Variants in CYP26B1 observed in about 807,000 individuals in gnomAD.
CYP26B1 encodes cytochrome P450 family 26 subfamily B member 1.
CYP26B1 carries 8 observed loss-of-function variants against 39.1 expected under a neutral mutation model. The ratio of observed to expected loss-of-function variants is 0.20; its 90% CI spans 0.12 to 0.37. The LOEUF (loss-of-function observed/expected upper bound fraction) is 0.37. Among genes scored for constraint, CYP26B1 ranks in the 10% least tolerant of loss-of-function variants. The pLI is 1.00. For synonymous variants in CYP26B1, 321 were observed against 314.3 expected, an observed-to-expected ratio of 1.02 and a Z score of -0.23; for missense variants, 615 against 707.0, an observed-to-expected ratio of 0.87 and a Z score of 1.48.
chr2:72,138,149 A>G (rs561212642), intron 2 of CYP26B1, among the ~76,000 whole-genome samples: 1 of 152,128 alleles, frequency 6.6e-6, no homozygotes, highest in South Asian at 2.1e-4. Flanking sequence ...GGCTGGGCTC[A>G]GAGGTCACCA....
intron 2 of CYP26B1, among the ~76,000 whole-genome samples, chr2:72,139,067 T>C (rs1337805502): frequency 2.0e-5 from 3 of 152,146 alleles, no homozygotes; most frequent in Non-Finnish European, 2.9e-5. Flanking sequence ...CTCCCCCTTC[T>C]CTGCTGGCAG....
chr2:72,136,084 CT>C (rs905639116), intron 2 of CYP26B1, among the ~76,000 whole-genome samples: 12 of 150,306 alleles, frequency 8.0e-5, no homozygotes, highest in Non-Finnish European at 4.5e-5. Context: ...CGCAGCCCCC[CT>C]TGCCACCCTC....
Position 72,132,639 on chromosome 2 carries a change from G to C in CYP26B1, c.1147-20C>G. On this transcript the variant is annotated intron_variant, in intron 5 of 5. Transcript: ENST00000001146. ...GAAACCCTGGAGCAAGATGGGGGCC[G>C]AGGAGTGGGTGGTGAGAGCCAGAGG... The C allele has an allele frequency of 1.3e-6, 2 of 1,582,016 alleles. No homozygotes were observed. Among genetic ancestry groups the C allele is most frequent in the Non-Finnish European group, 1.7e-6 (2 of 1,164,208 alleles).
intron 1 of CYP26B1, among the ~76,000 whole-genome samples, chr2:72,146,283 C>T (rs529786646): frequency 1.3e-3 from 196 of 150,296 alleles, no homozygotes; most frequent in Non-Finnish European, 2.5e-3. Flanking sequence ...AAATTCGCGG[C>T]CCAAAGCCTA....
Position 72,135,231 on chromosome 2 carries a change from G to A in CYP26B1, c.618C>T (p.Asp206=). Residue 206 remains aspartate (D), a synonymous_variant, in exon 3 of 6, where the codon GAC becomes GAT. Coordinates refer to ENST00000001146, the MANE Select transcript of CYP26B1 (RefSeq NM_019885.4). The part of the protein sequence containing the change: ...VLLGFSIPEE[D]LGHLFEVYQQ... ...GGTAGACCTCAAAGAGGTGCCCAAGGTCCTCCTCAGGGATGCTGAAGCCCA... is the reference window on the plus strand; with the variant it reads ...GGTAGACCTCAAAGAGGTGCCCAAGATCCTCCTCAGGGATGCTGAAGCCCA... 6.2e-7 allele frequency: 1 copy of A among 1,614,112 alleles called. No individual in the cohort carries two copies.
rs754914394 is a variant in CYP26B1 at position 72,133,004 on chromosome 2, G to A, written c.1146+19C>T. Reference sequence around the variant, plus strand: ...CCCCTGCTCCCCCATCGCCCCCGGTGCCACGGGCCCAGCCTCACATCAAGC... The same window carrying A: ...CCCCTGCTCCCCCATCGCCCCCGGTACCACGGGCCCAGCCTCACATCAAGC... On this transcript the variant is annotated intron_variant, in intron 5 of 5. Transcript: ENST00000001146. The A allele has an allele frequency of 2.4e-5, 38 of 1,612,930 alleles. No individual in the cohort carries two copies. Among genetic ancestry groups the A allele is most frequent in the Non-Finnish European group, 3.1e-5 (36 of 1,179,968 alleles).
chr2:72,141,218 C>G (rs111759980), intron 2 of CYP26B1, among the ~76,000 whole-genome samples: 16 of 152,274 alleles, frequency 1.1e-4, no homozygotes, highest in African/African-American at 3.4e-4. Flanking sequence ...AGGCCCTGGG[C>G]AGGGGAAGGG....
rs1328864533 is a variant in CYP26B1, at chr2:72,147,314, C to A, written c.204+317G>T. Among the ~76,000 whole-genome samples, 2 of 152,160 alleles carry A rather than the reference C, an allele frequency of 1.3e-5. No individual in the cohort carries two copies. Among genetic ancestry groups the A allele is most frequent in the African/African-American group, 2.4e-5 (1 of 41,460 alleles). ...CGGACCCTCCCCCGGGACCGCGCCT[C>A]GCTAGGCGCCCCCGGGGCGCTCCAC... On this transcript the variant is annotated intron_variant, in intron 1 of 5. Coordinates refer to ENST00000001146, the MANE Select transcript of CYP26B1 (RefSeq NM_019885.4). This position sits in a 1 kb window ranked among gnomAD's most constrained non-coding sequence, Gnocchi z 6.1.
intron 2 of CYP26B1, 138 bp downstream of exon 2, chr2:72,143,851 G>T: frequency 9.4e-7 from 1 of 1,068,424 alleles, no homozygotes; most frequent in Non-Finnish European, 1.4e-6. Context: ...GGCCTTGTCG[G>T]CGGGGAACTG....
At chr2:72,136,053 C>T (rs1176984727) in intron 2 of CYP26B1, among the ~76,000 whole-genome samples, 1 of 149,034 alleles carries the variant, frequency 6.7e-6, no homozygotes, top group African/African-American at 2.4e-5. Flanking sequence ...CCTCCTTGTC[C>T]TCCGTCCTCC....
intron 2 of CYP26B1, among the ~76,000 whole-genome samples, chr2:72,141,232 C>A: frequency 6.6e-6 from 1 of 152,156 alleles, no homozygotes; most frequent in Non-Finnish European, 1.5e-5. Context: ...GGAAGGGTAA[C>A]CCAGGAGGAG....
intron 1 of CYP26B1, among the ~76,000 whole-genome samples, chr2:72,145,124 C>T (rs1677083527): frequency 6.6e-6 from 1 of 152,294 alleles, no homozygotes; most frequent in South Asian, 2.1e-4. Context: ...AGGGGAGGGG[C>T]GCCACCTGTC....
chr2:72,135,756 A>T (rs766329867), intron 2 of CYP26B1, among the ~76,000 whole-genome samples: 4 of 152,178 alleles, frequency 2.6e-5, no homozygotes, highest in Non-Finnish European at 4.4e-5. Flanking sequence ...ATCGAGGGAA[A>T]GCTACTCCAT....
chr2:72,144,064 A>T lies in CYP26B1; in HGVS notation c.354T>A (p.Pro118=). The T allele has an allele frequency of 6.2e-7, 1 of 1,613,838 alleles. No individual in the cohort carries two copies. Among genetic ancestry groups the T allele is most frequent in the Non-Finnish European group, 8.5e-7 (1 of 1,179,964 alleles). ...GEHHLVSTEW[P]RSTRMLLGPN... ...GGCCCAGCAACATGCGGGTGCTGCGAGGCCACTCGGTGCTCACGAGGTGGT... is the reference window on the plus strand; with the variant it reads ...GGCCCAGCAACATGCGGGTGCTGCGTGGCCACTCGGTGCTCACGAGGTGGT... The change falls in exon 2 of 6, where the codon CCT becomes CCA. Residue 118 remains proline (P), a synonymous_variant. Transcript: ENST00000001146.
At chr2:72,145,059 C>A (rs1677081749) in intron 1 of CYP26B1, among the ~76,000 whole-genome samples, 1 of 152,132 alleles carries the variant, frequency 6.6e-6, no homozygotes, top group Non-Finnish European at 1.5e-5. Context: ...GACGTCGGCA[C>A]TAGTTACCCC....
intron 2 of CYP26B1, 100 bp downstream of exon 2, chr2:72,143,889 G>T (rs548585506): frequency 3.6e-6 from 5 of 1,396,206 alleles, no homozygotes; most frequent in Non-Finnish European, 5.0e-6. Context: ...GTGTGCAAAG[G>T]GGGGCACAGA....
chr2:72,140,654 G>A lies in CYP26B1; in HGVS notation c.429+3335C>T, dbSNP rs144580786. The stretch of plus-strand genomic sequence containing the variant: ...CACAACCGTGGGTCCTCCTGACACC[G>A]TCCTCCTGCTGAGGCACCTCCTCGC... On this transcript the variant is annotated intron_variant, in intron 2 of 5. Transcript: ENST00000001146. Among the ~76,000 whole-genome samples, 481 of 152,296 alleles carry A rather than the reference G, an allele frequency of 3.2e-3. 3 individuals are homozygous for A. Among genetic ancestry groups the A allele is most frequent in the African/African-American group, 0.011 (443 of 41,572 alleles).
chr2:72,147,605 G>A lies in CYP26B1; in HGVS notation c.204+26C>T. 6.3e-7 allele frequency: 1 copy of A among 1,595,462 alleles called. No individual in the cohort carries two copies. The highest frequency in any genetic ancestry group is 8.5e-7 in the Non-Finnish European group (1 of 1,172,980). ...GCGCTCGCAGCTAGCGGACCCCGGA[G>A]TGCAGCGGAGCGAGCGCGCCCTTAC... On this transcript the variant is annotated intron_variant, in intron 1 of 5. Coordinates refer to ENST00000001146, the MANE Select transcript of CYP26B1 (RefSeq NM_019885.4). The surrounding 1 kb of genome is among the most constrained non-coding windows in gnomAD (Gnocchi z 6.1).
Position 72,131,933 on chromosome 2 carries a change from C to T in CYP26B1, c.*294G>A, listed in dbSNP as rs550613382. The T allele has an allele frequency of 3.4e-5, 17 of 499,344 alleles. No homozygotes were observed. The highest frequency in any genetic ancestry group is 2.9e-4 in the African/African-American group (15 of 52,006). 30.9% of individuals were successfully genotyped at this position (499,344 alleles called of 1,614,324 possible). A position where few individuals can be genotyped will look rare whatever the true frequency, so the allele number is the denominator to read the frequency against. ...AACATCACAAAAACACTGTAGCACG[C>T]GCTGACACCTAACACTGTCACGGGC... On this transcript the variant is annotated 3_prime_UTR_variant, in exon 6 of 6. Coordinates refer to ENST00000001146, the MANE Select transcript of CYP26B1 (RefSeq NM_019885.4).
Sources: gnomAD v4.1 joint callset for allele counts (sites outside exome capture counted in the v4.1 genomes callset) on GRCh38, gnomAD v4.1.1 for gene constraint, Gnocchi (gnomAD v3.1) non-coding constraint, MANE v1.5 for transcripts, NCBI Gene and HGNC (gene_info 2026-07-23, HGNC 2026-07-21) for gene names.